DYNC2LI1: variants seen among roughly 807,000 people sequenced by gnomAD.
DYNC2LI1 encodes cytoplasmic dynein 2 light intermediate chain 1.
A neutral mutation model predicts 51.9 loss-of-function variants in DYNC2LI1; 45 were observed. That is an observed-to-expected ratio of 0.87 (90% confidence interval 0.68 to 1.11). DYNC2LI1 has a LOEUF of 1.11. Ranked by LOEUF, DYNC2LI1 falls within the 50% of genes most tolerant of loss-of-function variation. The pLI is 0.00. For missense variants in DYNC2LI1, 490 were observed against 417.4 expected, an observed-to-expected ratio of 1.17 and a Z score of -1.51; for synonymous variants, 130 against 137.8, an observed-to-expected ratio of 0.94 and a Z score of 0.40.
intron 8 of DYNC2LI1, among the ~76,000 whole-genome samples, chr2:43,797,170 C>G (rs917712789): frequency 3.3e-5 from 5 of 152,156 alleles, no homozygotes; most frequent in Non-Finnish European, 7.3e-5. Flanking sequence ...GATGGGGGCT[C>G]TTTAAAAAAG....
chr2:43,778,944 G>C (rs149747077), intron 2 of DYNC2LI1, among the ~76,000 whole-genome samples: 1 of 152,046 alleles, frequency 6.6e-6, no homozygotes, highest in Admixed American at 6.6e-5. Context: ...AAACTTTTGA[G>C]GGTATTATTC....
intron 3 of DYNC2LI1, among the ~76,000 whole-genome samples, chr2:43,783,938 G>C (rs1050748555): frequency 7.2e-5 from 11 of 152,020 alleles, no homozygotes; most frequent in Non-Finnish European, 1.0e-4. Context: ...GCACAGTGTT[G>C]GTCCTCAAAC....
chr2:43,819,937 G>A, the DYNC2LI1 span: 1 of 1,614,070 alleles, frequency 6.2e-7, no homozygotes. Context: ...GATCCAACAA[G>A]CACCCCCGCA....
At chr2:43,824,154 G>C in the DYNC2LI1 span, 1 of 1,614,126 alleles carries the variant, frequency 6.2e-7, no homozygotes, top group Admixed American at 1.7e-5. Flanking sequence ...TTCCTTTTCA[G>C]AATTGTTATT....
At chr2:43,778,710 C>A (rs1278460501) in intron 2 of DYNC2LI1, among the ~76,000 whole-genome samples, 3 of 152,164 alleles carry the variant, frequency 2.0e-5, no homozygotes, top group Non-Finnish European at 4.4e-5. Context: ...TGCTTACATA[C>A]AAAATACCCC....
intron 6 of DYNC2LI1, chr2:43,795,252 T>C (rs1278275647): frequency 1.0e-6 from 1 of 952,722 alleles, no homozygotes; most frequent in Non-Finnish European, 1.3e-6. Flanking sequence ...ATGCTTGTAA[T>C]CCCAGCACTT....
chr2:43,825,181 T>A, the DYNC2LI1 span, among the ~76,000 whole-genome samples: 2 of 152,162 alleles, frequency 1.3e-5, no homozygotes, highest in Non-Finnish European at 2.9e-5. Flanking sequence ...TTCGATGACC[T>A]TGGCCCTGCA....
chr2:43,774,264 T>G, intron 1 of DYNC2LI1, 118 bp downstream of exon 1: 1 of 1,383,026 alleles, frequency 7.2e-7, no homozygotes, highest in Non-Finnish European at 1.0e-6. Flanking sequence ...CACCAGGATA[T>G]GCAGGGTCGG....
downstream of DYNC2LI1, chr2:43,813,220 A>G (rs137996263): frequency 1.2e-5 from 20 of 1,612,078 alleles, no homozygotes; most frequent in Admixed American, 3.3e-5. Flanking sequence ...GTGAATCTAG[A>G]TGTTGCACCT....
the DYNC2LI1 span, chr2:43,828,207 C>A: frequency 6.3e-7 from 1 of 1,583,780 alleles, no homozygotes. Flanking sequence ...AGGCAGCACA[C>A]CGCCCAAGAA....
intron 1 of DYNC2LI1, 45 bp downstream of exon 1, chr2:43,774,191 T>C (rs1468848017): frequency 1.9e-6 from 3 of 1,611,496 alleles, no homozygotes; most frequent in Non-Finnish European, 2.5e-6. Context: ...ACTGAGAGTA[T>C]TCCTGGAGAG....
At chr2:43,823,833 G>A in the DYNC2LI1 span, 3 of 1,516,382 alleles carry the variant, frequency 2.0e-6, no homozygotes. Flanking sequence ...CCTTATAATG[G>A]TAGACTTTTG....
At chr2:43,798,716 G>C (rs927442658) in intron 8 of DYNC2LI1, among the ~76,000 whole-genome samples, 2 of 152,194 alleles carry the variant, frequency 1.3e-5, no homozygotes, top group African/African-American at 4.8e-5. Context: ...CTTCATCTCA[G>C]CTTTTAATAA....
At chr2:43,774,220 C>A in intron 1 of DYNC2LI1, 74 bp downstream of exon 1, 2 of 1,593,000 alleles carry the variant, frequency 1.3e-6, no homozygotes, top group East Asian at 4.6e-5. Flanking sequence ...CAGGCGGGAC[C>A]AGCTGTTGGA....
the DYNC2LI1 span, among the ~76,000 whole-genome samples, chr2:43,820,488 C>A: frequency 6.6e-6 from 1 of 152,128 alleles, no homozygotes; most frequent in Non-Finnish European, 1.5e-5. Flanking sequence ...AGGGCTCACC[C>A]AACCCGCTTC....
At chr2:43,822,798 A>G in the DYNC2LI1 span, 17 of 1,614,024 alleles carry the variant, frequency 1.1e-5, no homozygotes, top group African/African-American at 1.3e-5. Flanking sequence ...ACCCCTCACC[A>G]GTAGCACACA....
downstream of DYNC2LI1, among the ~76,000 whole-genome samples, chr2:43,812,127 T>C (rs1477942470): frequency 6.6e-6 from 1 of 152,062 alleles, no homozygotes; most frequent in Non-Finnish European, 1.5e-5. Flanking sequence ...CATAGCTCAC[T>C]GCAGCCCCTG....
At chr2:43,789,764 T>C (rs903394706) in intron 5 of DYNC2LI1, 43 bp downstream of exon 5, 1 of 1,555,350 alleles carries the variant, frequency 6.4e-7, no homozygotes, top group Middle Eastern at 1.7e-4. Flanking sequence ...TACACAGGAG[T>C]GTCCCTAGGA....
At chr2:43,799,218 C>T (rs1665992000) in intron 8 of DYNC2LI1, among the ~76,000 whole-genome samples, 1 of 152,102 alleles carries the variant, frequency 6.6e-6, no homozygotes, top group Admixed American at 6.6e-5. Context: ...GGGACGATTG[C>T]CTGAGCCTGG....
Sources: allele counts gnomAD v4.1 joint callset (sites outside exome capture counted in the v4.1 genomes callset), GRCh38; gene constraint gnomAD v4.1.1; transcripts MANE v1.5; gene names NCBI Gene and HGNC (gene_info 2026-07-23, HGNC 2026-07-21).